Variants in SHISA6 observed in about 807,000 individuals in gnomAD.
SHISA6 encodes shisa family member 6.
In SHISA6, 22 loss-of-function variants were observed where a neutral mutation model predicts 47.9. That is an observed-to-expected ratio of 0.46 (90% CI 0.33 to 0.66). The LOEUF is 0.66. Among genes scored for constraint, SHISA6 ranks in the 30% least tolerant of loss-of-function variants. The pLI is 0.02. For missense variants in SHISA6, 680 were observed against 764.6 expected (o/e 0.89, Z 1.30); for synonymous variants, 388 against 337.8 (o/e 1.15, Z -1.63).
At chr17:11,268,402 A>G (rs1908510439) in intron 2 of SHISA6, among the ~76,000 whole-genome samples, 1 of 152,022 alleles carries the variant, frequency 6.6e-6, no homozygotes, top group South Asian at 2.1e-4. Context: ...CTCAACCCCT[A>G]CTACCTTCTG....
At chr17:11,464,092 T>A (rs545982385) in intron 3 of SHISA6, among the ~76,000 whole-genome samples, 6 of 151,994 alleles carry the variant, frequency 3.9e-5, no homozygotes, top group African/African-American at 1.4e-4. Context: ...AATTTTTAAA[T>A]TTTTTTTAGA....
rs145542607 is a variant in SHISA6 at position 11,517,192 on chromosome 17, A to C, written c.896-34704A>C. Among the ~76,000 whole-genome samples, 465 of 152,284 alleles carry C rather than the reference A, an allele frequency of 3.1e-3. 12 individuals are homozygous for C. Among genetic ancestry groups the C allele is most frequent in the Admixed American group, 0.026 (405 of 15,296 alleles). ...GGGAGACAGGTCTATGCTTTTCTCT[A>C]AAGATGATTTGAGGGTTTCATTCTT... On this transcript the variant is annotated intron_variant, in intron 3 of 5. Transcript: ENST00000441885.
intron 3 of SHISA6, among the ~76,000 whole-genome samples, chr17:11,455,013 C>CA (rs112873651): frequency 0.14 from 21,654 of 151,678 alleles, 1,771 homozygotes; most frequent in African/African-American, 0.23. Flanking sequence ...ACTAAAAATA[C>CA]AAAAAAATAG....
In SHISA6 at chr17:11,555,840, C is replaced by T. The variant is rs79661604; in HGVS notation, c.1053C>T (p.Tyr351=). The change falls in exon 5 of 6, where the codon TAC becomes TAT. Residue 351 remains tyrosine, a synonymous_variant. Coordinates refer to ENST00000441885, the MANE Select transcript of SHISA6 (RefSeq NM_207386.4). ...ACTTGGCCCACCTGCCCCCATCCTACGAGTCTGCAGTAAAGACCAACCCCA... is the reference window on the plus strand; with the variant it reads ...ACTTGGCCCACCTGCCCCCATCCTATGAGTCTGCAGTAAAGACCAACCCCA... ...FQNLAHLPPS[Y]ESAVKTNPSK... is the part of the protein sequence containing the mutation. 2,488 of 1,551,716 alleles carry T rather than the reference C, an allele frequency of 1.6e-3. 44 individuals are homozygous for T. The African/African-American group carries it at 0.03, about 19-fold the overall frequency.
chr17:11,401,172 T>C (rs1913760305), intron 3 of SHISA6, among the ~76,000 whole-genome samples: 1 of 152,220 alleles, frequency 6.6e-6, no homozygotes, highest in African/African-American at 2.4e-5. Context: ...CACTTGGCCT[T>C]ATTCCAGATA....
At chr17:11,371,304 TGGAAGGAGCCCTGGGGCTTCCTCAG>T (rs557087629) in intron 2 of SHISA6, among the ~76,000 whole-genome samples, 15 of 152,258 alleles carry the variant, frequency 9.9e-5, no homozygotes, top group South Asian at 4.1e-4. Flanking sequence ...TCTTGGGAAC[TGGAAGGAGCCCTGGGGCTTCCTCAG>T]GGAAGGAGCC....
chr17:11,409,092 TA>T (rs1194388782), intron 3 of SHISA6, among the ~76,000 whole-genome samples: 5 of 152,292 alleles, frequency 3.3e-5, no homozygotes, highest in African/African-American at 1.2e-4. Context: ...CTCTCAGAAA[TA>T]ATTAATTTGA....
intron 3 of SHISA6, among the ~76,000 whole-genome samples, chr17:11,386,031 C>T (rs904791058): frequency 1.2e-4 from 18 of 152,004 alleles, no homozygotes; most frequent in African/African-American, 3.4e-4. Context: ...GAATGGATGA[C>T]GTCTGGGATG....
At chr17:11,441,927 C>A (rs1915105534) in intron 3 of SHISA6, among the ~76,000 whole-genome samples, 1 of 152,156 alleles carries the variant, frequency 6.6e-6, no homozygotes, top group Admixed American at 6.5e-5. Context: ...TGAGAGAGTG[C>A]TGGAGGCCCT....
intron 4 of SHISA6, among the ~76,000 whole-genome samples, chr17:11,554,261 GCT>G (rs1330669498): frequency 1.3e-5 from 2 of 152,256 alleles, no homozygotes; most frequent in African/African-American, 2.4e-5. Context: ...TGCCAAGGAG[GCT>G]CTTTCTGTAC....
intron 2 of SHISA6, among the ~76,000 whole-genome samples, chr17:11,324,228 G>A (rs985012059): frequency 3.9e-5 from 6 of 152,180 alleles, no homozygotes; most frequent in Non-Finnish European, 8.8e-5. Flanking sequence ...AGGCTGTCGA[G>A]TCTGATGCCC....
chr17:11,241,907 G>C lies in SHISA6; in HGVS notation c.485G>C (p.Gly162Ala). 2 of 1,551,036 alleles carry C rather than the reference G, an allele frequency of 1.3e-6. No individual in the cohort carries two copies. Among genetic ancestry groups the C allele is most frequent in the Middle Eastern group, 3.3e-4 (2 of 5,992 alleles). The change falls in exon 1 of 6, where the codon GGG becomes GCG. Residue 162 changes from glycine to alanine, a missense_variant. Coordinates refer to ENST00000441885, the MANE Select transcript of SHISA6 (RefSeq NM_207386.4). The surrounding 1 kb of genome is among the most constrained non-coding windows in gnomAD (Gnocchi z 5.5). Reference sequence around the variant, plus strand: ...CCCAGCACCAAGGTGGTGTCGCCGGGGCCCGAGAACAAGTACGACCCGGAG... The same window carrying C: ...CCCAGCACCAAGGTGGTGTCGCCGGCGCCCGAGAACAAGTACGACCCGGAG... ...QTPSTKVVSP[G>A]PENKYDPEKD...
intron 2 of SHISA6, among the ~76,000 whole-genome samples, chr17:11,355,964 C>T (rs772307985): frequency 8.2e-4 from 125 of 152,318 alleles, no homozygotes; most frequent in Middle Eastern, 3.4e-3. Flanking sequence ...ACCAACATGG[C>T]GGATGAGACC....
At chr17:11,321,356 T>C (rs1910713777) in intron 2 of SHISA6, among the ~76,000 whole-genome samples, 1 of 152,220 alleles carries the variant, frequency 6.6e-6, no homozygotes, top group Non-Finnish European at 1.5e-5. Context: ...TGGTTAACAT[T>C]TCCAGCTTCT....
intron 2 of SHISA6, among the ~76,000 whole-genome samples, chr17:11,322,597 A>C (rs1336078134): frequency 6.6e-6 from 1 of 152,178 alleles, no homozygotes; most frequent in East Asian, 1.9e-4. Context: ...ACTGGCATAC[A>C]ATTCCTATTT....
chr17:11,349,765 A>T (rs1440571398), intron 2 of SHISA6, among the ~76,000 whole-genome samples: 1 of 152,206 alleles, frequency 6.6e-6, no homozygotes, highest in Non-Finnish European at 1.5e-5. Context: ...GAATGAAATG[A>T]GGCCTCTTGA....
Position 11,251,904 on chromosome 17 carries a change from G to T in SHISA6, c.638+9844G>T, listed in dbSNP as rs1277475090. On this transcript the variant is annotated intron_variant, in intron 1 of 5. Transcript: ENST00000441885. The stretch of plus-strand genomic sequence containing the variant: ...CTGCCACACGCCTCAAGGTCCGGTT[G>T]TCACAGGGCGGTGAGCAGCAGCTGA... Among the ~76,000 whole-genome samples the T allele has an allele frequency of 3.9e-5, 6 of 152,314 alleles. No individual in the cohort carries two copies. The East Asian group carries it at 1.2e-3, about 29-fold the overall frequency.
intron 3 of SHISA6, among the ~76,000 whole-genome samples, chr17:11,489,166 T>C (rs553660459): frequency 2.8e-4 from 42 of 152,218 alleles, no homozygotes; most frequent in Admixed American, 7.9e-4. Context: ...CCTCAAATTA[T>C]TCCCTTTGTT....
At chr17:11,379,354 G>T in intron 2 of SHISA6, 60 bp from the exon 3 acceptor site, 1 of 1,246,572 alleles carries the variant, frequency 8.0e-7, no homozygotes, top group Non-Finnish European at 1.1e-6. Flanking sequence ...ATGCAGCTGC[G>T]CTTGTCTTCC....
Sources: gnomAD v4.1 joint callset for allele counts (sites outside exome capture counted in the v4.1 genomes callset) on GRCh38, gnomAD v4.1.1 for gene constraint, Gnocchi (gnomAD v3.1) non-coding constraint, MANE v1.5 for transcripts, NCBI Gene and HGNC (gene_info 2026-07-23, HGNC 2026-07-21) for gene names.